The following ARL17B variants were observed in gnomAD, a reference collection of about 807,000 sequenced individuals.
ARL17B encodes the protein ADP-ribosylation factor-like protein 17.
At chr17:46,323,783 C>T (rs1167261754) in intron 3 of ARL17B, among the ~76,000 whole-genome samples, 2 of 102,488 alleles carry the variant, frequency 2.0e-5, no homozygotes, top group African/African-American at 6.3e-5. Context: ...TCTGCAGGTT[C>T]CTCATCCATA....
chr17:46,316,427 G>C (rs1411742193), intron 3 of ARL17B, among the ~76,000 whole-genome samples: 2 of 29,080 alleles, frequency 6.9e-5, no homozygotes, highest in Admixed American at 4.1e-4. Flanking sequence ...TTGTCCTCCA[G>C]TGTTGTGTGT....
At chr17:46,283,520 T>C (rs147328423) in intron 4 of ARL17B, among the ~76,000 whole-genome samples, 2 of 152,368 alleles carry the variant, frequency 1.3e-5, no homozygotes, top group African/African-American at 4.8e-5. Context: ...AAATACTTTA[T>C]ATTAGGTGAT....
Position 46,321,914 on chromosome 17 carries a change from CAAAAAAAA to C in ARL17B, c.260-22257_260-22250del, listed in dbSNP as rs1263117066. The stretch of plus-strand genomic sequence containing the variant: ...GGGCAACAAGAGCGAGACTCCATCT[CAAAAAAAA>C]AAAAAAAAAAAAAATAGATGAACAA... On this transcript the variant is annotated intron_variant, in intron 3 of 4. Transcript: ENST00000434041. 1.3e-3 allele frequency among the ~76,000 whole-genome samples: 14 copies of C among 10,980 alleles called. 4 individuals are homozygous for C. The Admixed American group carries it at 0.015, about 12-fold the overall frequency. 7.2% of individuals were successfully genotyped at this position (10,980 alleles called of 152,430 possible).
chr17:46,282,926 C>T (rs2049809438), intron 4 of ARL17B, among the ~76,000 whole-genome samples: 1 of 152,002 alleles, frequency 6.6e-6, no homozygotes, highest in Non-Finnish European at 1.5e-5. Flanking sequence ...TGAGACCATC[C>T]TGGCCAACAC....
At chr17:46,280,161 T>C (rs1408968540) in intron 4 of ARL17B, among the ~76,000 whole-genome samples, 1 of 151,692 alleles carries the variant, frequency 6.6e-6, no homozygotes, top group Non-Finnish European at 1.5e-5. Context: ...TCACTTGCCT[T>C]GAGACCAGCT....
At chr17:46,289,048 T>C (rs1441379235) in intron 4 of ARL17B, among the ~76,000 whole-genome samples, 1 of 152,144 alleles carries the variant, frequency 6.6e-6, no homozygotes. Flanking sequence ...TTTAAGTGCA[T>C]CTCTTCTGCT....
intron 4 of ARL17B, among the ~76,000 whole-genome samples, chr17:46,279,461 G>A (rs1287287533): frequency 1.3e-5 from 2 of 151,284 alleles, no homozygotes; most frequent in Non-Finnish European, 2.9e-5. Flanking sequence ...TGGGATTACA[G>A]GCATGAGCCA....
At chr17:46,327,229 G>A (rs1262024225) in intron 3 of ARL17B, among the ~76,000 whole-genome samples, 110 of 74,370 alleles carry the variant, frequency 1.5e-3, no homozygotes, top group African/African-American at 4.1e-3. Flanking sequence ...ACCGCAGATG[G>A]CCTGTAATAC....
rs1472593650 is a variant in ARL17B at position 46,350,157 on chromosome 17, A to AG, written c.259+2662dup. 1.3e-3 allele frequency among the ~76,000 whole-genome samples: 76 copies of AG among 59,628 alleles called. 1 individual carries two copies. The highest frequency in any genetic ancestry group is 4.6e-3 in the African/African-American group (76 of 16,684). The allele number at this position is 59,628 out of a possible 152,430, so 39.1% of individuals were successfully genotyped here. A position where few individuals can be genotyped will look rare whatever the true frequency, so the allele number is the denominator to read the frequency against. Reference sequence around the variant, plus strand: ...ACAGAGGATAGAATAAAGGCTAATGAGGGGTGGGGGAGAAGAGAATGGGCA... The same window carrying AG: ...ACAGAGGATAGAATAAAGGCTAATGAGGGGGTGGGGGAGAAGAGAATGGGCA... On this transcript the variant is annotated intron_variant, in intron 3 of 3. Coordinates refer to ENST00000450673, the MANE Select transcript of ARL17B (RefSeq NM_001039083.5).
exon 5 of ARL17B, chr17:46,274,910 G>A (rs1427570223): frequency 6.7e-6 from 1 of 150,050 alleles, no homozygotes; most frequent in Non-Finnish European, 1.5e-5. Flanking sequence ...TTTTGTTTTT[G>A]AAACGGAGTT....
downstream of ARL17B, chr17:46,334,831 G>A (rs1164730451): frequency 1.5e-5 from 2 of 134,320 alleles, no homozygotes; most frequent in African/African-American, 5.2e-5. Flanking sequence ...GATTCAACTA[G>A]ATCAGGCTGA....
At chr17:46,286,417 A>C (rs2049913434) in intron 4 of ARL17B, among the ~76,000 whole-genome samples, 1 of 152,382 alleles carries the variant, frequency 6.6e-6, no homozygotes, top group East Asian at 1.9e-4. Flanking sequence ...AAATCCTATA[A>C]GGTAATAACA....
At chr17:46,282,784 A>G (rs2049804291) in intron 4 of ARL17B, among the ~76,000 whole-genome samples, 1 of 152,182 alleles carries the variant, frequency 6.6e-6, no homozygotes, top group South Asian at 2.1e-4. Flanking sequence ...CTTCCTTGCT[A>G]CAGAAGAGAG....
At chr17:46,284,159 C>T (rs1320847178) in intron 4 of ARL17B, among the ~76,000 whole-genome samples, 1 of 152,246 alleles carries the variant, frequency 6.6e-6, no homozygotes, top group Non-Finnish European at 1.5e-5. Context: ...AGCACAGACC[C>T]TTTAAGGGTG....
Position 46,288,502 on chromosome 17 carries a change from T to G in ARL17B, c.*21+11024A>C, listed in dbSNP as rs1024734295. ...TTTTGCATTTTTGGTTGTGCCACGTTGGCCAGGCTGGTCTCAAACTCCTGA... is the reference window on the plus strand; with the variant it reads ...TTTTGCATTTTTGGTTGTGCCACGTGGGCCAGGCTGGTCTCAAACTCCTGA... On this transcript the variant is annotated intron_variant, in intron 4 of 4. Transcript: ENST00000570618. 2.6e-5 allele frequency among the ~76,000 whole-genome samples: 4 copies of G among 152,132 alleles called. No homozygotes were observed. In the South Asian group the frequency reaches 8.3e-4, roughly 31 times the overall value.
At chr17:46,279,786 T>C (rs1182216841) in intron 4 of ARL17B, among the ~76,000 whole-genome samples, 4 of 152,204 alleles carry the variant, frequency 2.6e-5, no homozygotes, top group Admixed American at 1.3e-4. Context: ...TGAACCACCA[T>C]TCCCAGCCAA....
intron 4 of ARL17B, among the ~76,000 whole-genome samples, chr17:46,284,783 G>A (rs1265707207): frequency 3.3e-5 from 5 of 152,248 alleles, no homozygotes; most frequent in African/African-American, 1.2e-4. Context: ...CACACATTGA[G>A]ACTACGATTC....
chr17:46,317,174 C>CT, intron 3 of ARL17B, among the ~76,000 whole-genome samples: 1 of 87,806 alleles, frequency 1.1e-5, no homozygotes, highest in Middle Eastern at 5.2e-3. Flanking sequence ...CTCCTCACAT[C>CT]CCAGACGGGC....
At position 46,279,183 on chromosome 17, in the gene ARL17B, T is replaced by G. The variant is rs369760233; in HGVS notation, c.*22-3765A>C. On this transcript the variant is annotated intron_variant, in intron 4 of 4. Coordinates refer to the ARL17B transcript ENST00000570618. ...TTTGCTAATAAGGCATTCTTTTTTT[T>G]CTTTTTTTTTTTTTTTTTGAGACAG... Among the ~76,000 whole-genome samples, 3 of 150,550 alleles carry G rather than the reference T, an allele frequency of 2.0e-5. No individual in the cohort carries two copies. The East Asian group carries it at 5.8e-4, about 29-fold the overall frequency.
Sources: allele counts gnomAD v4.1 joint callset (sites outside exome capture counted in the v4.1 genomes callset), GRCh38; gene constraint gnomAD v4.1.1; transcripts MANE v1.5; gene names NCBI Gene and HGNC (gene_info 2026-07-23, HGNC 2026-07-21).